The following GRID2 variants were observed in gnomAD, a reference collection of about 807,000 sequenced individuals.
GRID2 encodes the protein glutamate receptor ionotropic, delta-2.
In GRID2, 33 loss-of-function variants were observed where a neutral mutation model predicts 114.8. That is an observed-to-expected ratio of 0.29 (90% confidence interval 0.22 to 0.38). The LOEUF (loss-of-function observed/expected upper bound fraction) is 0.38. GRID2 is among the 10% of genes least tolerant of loss of function. The probability of loss-of-function intolerance (pLI) is 1.00; values close to 1 mark genes in which losing one functional copy is unlikely to be tolerated. For synonymous variants in GRID2, 505 were observed against 449.9 expected (o/e 1.12, Z -1.55); for missense variants, 1,184 against 1,257.7 (o/e 0.94, Z 0.89).
chr4:93,256,505 A>G (rs1749607846), intron 8 of GRID2, among the ~76,000 whole-genome samples: 1 of 151,788 alleles, frequency 6.6e-6, no homozygotes, highest in Non-Finnish European at 1.5e-5. Flanking sequence ...CCAAGAAGCC[A>G]TTTGGGTGAA....
At chr4:93,467,600 A>G (rs1274871633) in intron 11 of GRID2, among the ~76,000 whole-genome samples, 1 of 152,202 alleles carries the variant, frequency 6.6e-6, no homozygotes, top group African/African-American at 2.4e-5. Context: ...GTCTACAAGT[A>G]CCACGCTTCT....
chr4:93,796,387 C>T (rs1007021180), intron 1 of GRID2, among the ~76,000 whole-genome samples: 8 of 152,030 alleles, frequency 5.3e-5, no homozygotes, highest in Non-Finnish European at 1.0e-4. Context: ...AAGCTAATTC[C>T]AGATAGTGAA....
chr4:93,728,992 A>C (rs1233840657), intron 14 of GRID2, among the ~76,000 whole-genome samples: 1 of 152,130 alleles, frequency 6.6e-6, no homozygotes, highest in Admixed American at 6.5e-5. Flanking sequence ...TTACATTCAA[A>C]GTTAATATCA....
intron 2 of GRID2, among the ~76,000 whole-genome samples, chr4:92,989,290 A>T (rs896173374): frequency 2.8e-5 from 4 of 144,580 alleles, no homozygotes; most frequent in African/African-American, 5.2e-5. Context: ...AAAAAAAAAA[A>T]AAAAAAAAAA....
intron 14 of GRID2, among the ~76,000 whole-genome samples, chr4:93,761,744 A>G (rs1278263005): frequency 1.3e-5 from 2 of 152,198 alleles, no homozygotes. Context: ...AGCTCCTAAT[A>G]GTTTCCCTTA....
At chr4:93,279,691 G>A (rs1752450659) in intron 8 of GRID2, among the ~76,000 whole-genome samples, 1 of 151,938 alleles carries the variant, frequency 6.6e-6, no homozygotes, top group Admixed American at 6.6e-5. Context: ...ACTTCATGAA[G>A]ACCTTTACTT....
chr4:93,584,462 A>G (rs1737333139), intron 13 of GRID2, among the ~76,000 whole-genome samples: 2 of 152,134 alleles, frequency 1.3e-5, no homozygotes, highest in South Asian at 4.1e-4. Context: ...TTATTATACT[A>G]TCCCTCAATG....
chr4:92,609,990 G>C (rs1185744767), intron 2 of GRID2, among the ~76,000 whole-genome samples: 1 of 151,620 alleles, frequency 6.6e-6, no homozygotes, highest in Non-Finnish European at 1.5e-5. Context: ...CATCCACAAT[G>C]TTAAACTATT....
rs114382262 is a variant in GRID2 at position 92,908,143 on chromosome 4, G to A, written c.245-176852G>A. 4.3e-3 allele frequency among the ~76,000 whole-genome samples: 660 copies of A among 152,252 alleles called. 8 individuals carry two copies. The highest frequency in any genetic ancestry group is 0.015 in the African/African-American group (635 of 41,550). ...TAGCTATTCTCATGCAGATCTTAATGTAGGGACTAATGTCTATCAGATGCA... is the reference window on the plus strand; with the variant it reads ...TAGCTATTCTCATGCAGATCTTAATATAGGGACTAATGTCTATCAGATGCA... On this transcript the variant is annotated intron_variant, in intron 2 of 15. Transcript: ENST00000282020.
At chr4:93,330,472 A>G (rs1758305318) in intron 8 of GRID2, among the ~76,000 whole-genome samples, 1 of 152,208 alleles carries the variant, frequency 6.6e-6, no homozygotes, top group Non-Finnish European at 1.5e-5. Flanking sequence ...CATGTATTGA[A>G]AGAAATATTT....
chr4:93,673,167 G>C (rs1288376203), intron 14 of GRID2, among the ~76,000 whole-genome samples: 1 of 152,092 alleles, frequency 6.6e-6, no homozygotes, highest in Non-Finnish European at 1.5e-5. Flanking sequence ...TATTACAGTA[G>C]AGATTAAACA....
chr4:92,896,892 G>GCGA (rs1194365632), intron 2 of GRID2, among the ~76,000 whole-genome samples: 1 of 152,110 alleles, frequency 6.6e-6, no homozygotes, highest in Non-Finnish European at 1.5e-5. Flanking sequence ...ACAGGTATGT[G>GCGA]CGACGACGCC....
At chr4:92,387,020 A>C (rs1010952022) in intron 1 of GRID2, among the ~76,000 whole-genome samples, 6 of 151,946 alleles carry the variant, frequency 3.9e-5, no homozygotes, top group Non-Finnish European at 8.8e-5. Flanking sequence ...ACAAAACCTA[A>C]CAGAAAAGAC....
At chr4:92,718,463 G>A (rs1735650183) in intron 2 of GRID2, among the ~76,000 whole-genome samples, 1 of 151,870 alleles carries the variant, frequency 6.6e-6, no homozygotes, top group Non-Finnish European at 1.5e-5. Flanking sequence ...TTATATAAAA[G>A]TATATATTTT....
intron 1 of GRID2, among the ~76,000 whole-genome samples, chr4:92,429,766 T>C (rs1732348951): frequency 6.6e-6 from 1 of 152,166 alleles, no homozygotes; most frequent in Non-Finnish European, 1.5e-5. Flanking sequence ...CAGCATTCAT[T>C]ATTGCCTGTC....
intron 1 of GRID2, among the ~76,000 whole-genome samples, chr4:92,473,565 C>A (rs1249581422): frequency 2.0e-5 from 3 of 151,824 alleles, no homozygotes; most frequent in African/African-American, 7.3e-5. Context: ...TCATAGATTC[C>A]CTTTTCAGGT....
chr4:92,887,424 A>C (rs1374179754), intron 2 of GRID2, among the ~76,000 whole-genome samples: 3 of 152,206 alleles, frequency 2.0e-5, no homozygotes, highest in African/African-American at 4.8e-5. Context: ...GCAGCAGGTC[A>C]GAGAAGTTCC....
intron 3 of GRID2, among the ~76,000 whole-genome samples, chr4:93,087,713 G>A (rs1182547165): frequency 6.6e-6 from 1 of 152,064 alleles, no homozygotes; most frequent in African/African-American, 2.4e-5. Flanking sequence ...AATAATTTAT[G>A]AAAAATATTT....
intron 14 of GRID2, among the ~76,000 whole-genome samples, chr4:93,715,283 G>A (rs151008163): frequency 2.4e-4 from 37 of 152,086 alleles, no homozygotes; most frequent in South Asian, 6.2e-4. Context: ...TTGTTCCATC[G>A]GTCTATGTGT....
Sources: gnomAD v4.1 joint callset for allele counts (sites outside exome capture counted in the v4.1 genomes callset) on GRCh38, gnomAD v4.1.1 for gene constraint, MANE v1.5 for transcripts, NCBI Gene and HGNC (gene_info 2026-07-23, HGNC 2026-07-21) for gene names.